Variants in PTPRK observed in about 807,000 individuals in gnomAD.
The protein encoded by PTPRK is receptor-type tyrosine-protein phosphatase kappa.
A neutral mutation model predicts 178.0 loss-of-function variants in PTPRK; 75 were observed. The observed-to-expected ratio is 0.42, with a 90% CI of 0.35 to 0.51. The LOEUF is 0.51. PTPRK is among the 20% of genes least tolerant of loss of function. PTPRK has a pLI of 0.02. For synonymous variants in PTPRK, 637 were observed against 620.6 expected, an observed-to-expected ratio of 1.03 and a Z score of -0.39; for missense variants, 1,441 against 1,797.8, an observed-to-expected ratio of 0.80 and a Z score of 3.59.
intron 7 of PTPRK, among the ~76,000 whole-genome samples, chr6:128,172,656 T>C (rs200940326): frequency 1.3e-5 from 2 of 151,632 alleles, no homozygotes; most frequent in East Asian, 3.9e-4. Context: ...TGTGTATATA[T>C]ATACACACCC....
intron 3 of PTPRK, among the ~76,000 whole-genome samples, chr6:128,281,499 T>C (rs988499169): frequency 2.6e-5 from 4 of 152,096 alleles, no homozygotes; most frequent in Non-Finnish European, 5.9e-5. Flanking sequence ...GATAAGTTAG[T>C]TTTCCCATTG....
intron 2 of PTPRK, among the ~76,000 whole-genome samples, chr6:128,338,835 A>G (rs544382062): frequency 1.3e-5 from 2 of 152,070 alleles, no homozygotes; most frequent in African/African-American, 4.8e-5. Flanking sequence ...ATAAAAACTC[A>G]TAAGGCAAGA....
At chr6:128,359,752 CAAAAATAAAAAAAAAATAATAAAA>C (rs1834469433) in intron 2 of PTPRK, among the ~76,000 whole-genome samples, 1 of 148,796 alleles carries the variant, frequency 6.7e-6, no homozygotes, top group African/African-American at 2.5e-5. Flanking sequence ...AACTCGGTCT[CAAAAATAAAAAAAAAATAATAAAA>C]TAAAATAAAA....
chr6:127,989,402 C>G (rs759154419), intron 21 of PTPRK, among the ~76,000 whole-genome samples: 4 of 151,696 alleles, frequency 2.6e-5, no homozygotes, highest in Non-Finnish European at 4.4e-5. Context: ...TAATATTTTG[C>G]CTAATTTTTT....
At chr6:128,255,501 A>G (rs1277316725) in intron 3 of PTPRK, among the ~76,000 whole-genome samples, 1 of 152,234 alleles carries the variant, frequency 6.6e-6, no homozygotes. Context: ...ATTTAGGAGG[A>G]CTGAAAGAGC....
chr6:128,401,115 G>A (rs975102960), intron 1 of PTPRK, among the ~76,000 whole-genome samples: 2 of 152,174 alleles, frequency 1.3e-5, no homozygotes, highest in Non-Finnish European at 2.9e-5. Flanking sequence ...ATTCCTCTAC[G>A]CCAATCAATC....
Position 128,184,496 on chromosome 6 carries a change from T to C in PTPRK, c.1098A>G (p.Thr366=). The stretch of plus-strand genomic sequence containing the variant: ...GCCCCGTTCCACCTTCACCAGGTCT[T>C]GTAAGTAGAACTCGGATCTCATATT... ...DTEYEIRVLL[T]RPGEGGTGLP... The change falls in exon 7 of 30, where the codon ACA becomes ACG. Residue 366 remains threonine (T), a synonymous_variant. Transcript: ENST00000368226. 6.2e-7 allele frequency: 1 copy of C among 1,613,812 alleles called. No individual in the cohort carries two copies. The highest frequency in any genetic ancestry group is 8.5e-7 in the Non-Finnish European group (1 of 1,179,816).
chr6:128,509,299 A>T (rs1211750746), intron 1 of PTPRK, among the ~76,000 whole-genome samples: 1 of 152,152 alleles, frequency 6.6e-6, no homozygotes, highest in Non-Finnish European at 1.5e-5. Flanking sequence ...TTATACATAC[A>T]TAGGAAATAC....
intron 7 of PTPRK, among the ~76,000 whole-genome samples, chr6:128,114,313 C>T (rs1332149054): frequency 6.6e-6 from 1 of 151,834 alleles, no homozygotes; most frequent in East Asian, 1.9e-4. Context: ...CGGGGAAGTG[C>T]CACACTTTAA....
Position 128,475,782 on chromosome 6 carries a change from G to A in PTPRK, c.100+44477C>T, listed in dbSNP as rs147445572. On this transcript the variant is annotated intron_variant, in intron 1 of 29. Transcript: ENST00000368226. ...GGGCTGAAAAACAGAGGACTGGGCT[G>A]GGATATTTATTTGAGAGCCATCATT... Among the ~76,000 whole-genome samples, 349 of 152,058 alleles carry A rather than the reference G, an allele frequency of 2.3e-3. 3 individuals carry two copies. The highest frequency in any genetic ancestry group is 7.8e-3 in the African/African-American group (322 of 41,520).
intron 1 of PTPRK, among the ~76,000 whole-genome samples, chr6:128,515,344 T>A (rs931158247): frequency 6.6e-6 from 1 of 152,202 alleles, no homozygotes; most frequent in East Asian, 1.9e-4. Context: ...TATCAAATAC[T>A]GTTTTAAGAC....
chr6:128,480,299 G>T (rs1288207077), intron 1 of PTPRK, among the ~76,000 whole-genome samples: 2 of 152,122 alleles, frequency 1.3e-5, no homozygotes, highest in Non-Finnish European at 2.9e-5. Flanking sequence ...AAATTGGATA[G>T]GTGAAAACCT....
At chr6:128,386,766 GC>G (rs1187453015) in intron 2 of PTPRK, among the ~76,000 whole-genome samples, 1 of 152,066 alleles carries the variant, frequency 6.6e-6, no homozygotes, top group East Asian at 1.9e-4. Flanking sequence ...ACTTCTTGCT[GC>G]ACCTATCTAA....
chr6:128,357,754 T>C (rs1834149325), intron 2 of PTPRK, among the ~76,000 whole-genome samples: 1 of 152,256 alleles, frequency 6.6e-6, no homozygotes, highest in Admixed American at 6.5e-5. Context: ...TTTCCATTCC[T>C]GGCACCTTAC....
chr6:128,493,333 T>C (rs550066044), intron 1 of PTPRK, among the ~76,000 whole-genome samples: 29 of 152,138 alleles, frequency 1.9e-4, no homozygotes, highest in East Asian at 1.4e-3. Context: ...GAGGCCAAGG[T>C]GGGCTGATCA....
At chr6:127,995,647 G>C (rs1777068079) in intron 17 of PTPRK, 109 bp from the exon 18 acceptor site, 2 of 617,662 alleles carry the variant, frequency 3.2e-6, no homozygotes, top group Non-Finnish European at 5.6e-6. Flanking sequence ...TCTATCCATA[G>C]TATACTACTA....
chr6:128,251,916 G>A (rs1351533719), intron 3 of PTPRK, among the ~76,000 whole-genome samples: 2 of 152,138 alleles, frequency 1.3e-5, no homozygotes, highest in Admixed American at 1.3e-4. Context: ...ATCTAACAGG[G>A]ATGACATCAG....
intron 15 of PTPRK, among the ~76,000 whole-genome samples, chr6:128,003,623 T>C (rs1012454043): frequency 6.6e-6 from 1 of 151,896 alleles, no homozygotes; most frequent in Non-Finnish European, 1.5e-5. Context: ...TCTAAGTTCA[T>C]AAGTGGATAT....
At chr6:128,323,840 TTC>T (rs773890795) in intron 2 of PTPRK, among the ~76,000 whole-genome samples, 5 of 152,096 alleles carry the variant, frequency 3.3e-5, no homozygotes, top group Non-Finnish European at 1.5e-5. Flanking sequence ...TCTTTTTTTT[TTC>T]TCTCTTTCTT....
Sources: gnomAD v4.1 joint callset for allele counts (sites outside exome capture counted in the v4.1 genomes callset) on GRCh38, gnomAD v4.1.1 for gene constraint, MANE v1.5 for transcripts, NCBI Gene and HGNC (gene_info 2026-07-23, HGNC 2026-07-21) for gene names.